Variants in CPT1A observed in about 807,000 individuals in gnomAD.
The protein encoded by CPT1A is carnitine O-palmitoyltransferase 1, liver isoform.
In CPT1A, 64 loss-of-function variants were observed where a neutral mutation model predicts 100.8. The observed-to-expected ratio is 0.63, with a 90% CI of 0.52 to 0.78. CPT1A has a LOEUF of 0.78. Among genes scored for constraint, CPT1A ranks in the 30% least tolerant of loss-of-function variants. The pLI is 0.00. For synonymous variants in CPT1A, 363 were observed against 396.0 expected (o/e 0.92, Z 0.99); for missense variants, 802 against 1,034.1 (o/e 0.78, Z 3.08).
At chr11:68,803,354 G>T (rs546767754) in intron 5 of CPT1A, among the ~76,000 whole-genome samples, 1 of 152,182 alleles carries the variant, frequency 6.6e-6, no homozygotes, top group Non-Finnish European at 1.5e-5. Flanking sequence ...TAGGTGGGGG[G>T]AGGGAAGAAT....
At chr11:68,829,065 T>C (rs1856816207) in intron 1 of CPT1A, among the ~76,000 whole-genome samples, 1 of 152,148 alleles carries the variant, frequency 6.6e-6, no homozygotes, top group Non-Finnish European at 1.5e-5. Flanking sequence ...TCTCACCACC[T>C]GTCCACGTGC....
chr11:68,774,763 C>T lies in CPT1A; in HGVS notation c.1575+553G>A, dbSNP rs1214333093. ...CGCCATTGCACTCCAGCCTGGGTGA[C>T]AGTGCGAGACTACATCTCAAAAAAA... On this transcript the variant is annotated intron_variant, in intron 13 of 18. Coordinates refer to ENST00000265641, the MANE Select transcript of CPT1A (RefSeq NM_001876.4). Among the ~76,000 whole-genome samples the T allele has an allele frequency of 3.1e-5, 4 of 129,034 alleles. No homozygotes were observed. The East Asian group carries it at 9.1e-4, about 29-fold the overall frequency. 84.7% of individuals were successfully genotyped at this position (129,034 alleles called of 152,430 possible). A position where few individuals can be genotyped will look rare whatever the true frequency, so the allele number is the denominator to read the frequency against.
chr11:68,827,091 T>C (rs1379738922), intron 1 of CPT1A, among the ~76,000 whole-genome samples: 1 of 152,054 alleles, frequency 6.6e-6, no homozygotes, highest in African/African-American at 2.4e-5. Flanking sequence ...ACAAAAACTT[T>C]GGGAGGCCAA....
intron 6 of CPT1A, among the ~76,000 whole-genome samples, chr11:68,797,824 A>C (rs1044905502): frequency 6.6e-6 from 1 of 152,126 alleles, no homozygotes; most frequent in African/African-American, 2.4e-5. Context: ...CTAAAAATGC[A>C]AAAATTAGCC....
At chr11:68,813,647 T>G (rs1172673055) in intron 2 of CPT1A, among the ~76,000 whole-genome samples, 1 of 146,790 alleles carries the variant, frequency 6.8e-6, no homozygotes, top group Non-Finnish European at 1.5e-5. Flanking sequence ...CAGTGAGCCG[T>G]GATCGCACCA....
intron 14 of CPT1A, among the ~76,000 whole-genome samples, chr11:68,766,989 T>A (rs879599256): frequency 1.2e-4 from 18 of 152,160 alleles, no homozygotes; most frequent in Non-Finnish European, 2.4e-4. Flanking sequence ...TGGCGACTAC[T>A]CCGCTCTCCC....
rs111907944 is a variant in CPT1A at position 68,791,579 on chromosome 11, C to T, written c.967+1736G>A. Among the ~76,000 whole-genome samples the T allele has an allele frequency of 5.8e-3, 880 of 152,210 alleles. 7 individuals are homozygous for T. Among genetic ancestry groups the T allele is most frequent in the African/African-American group, 0.02 (815 of 41,532 alleles). ...GAGATGAAGTTTCACTCTTGTTGCC[C>T]GGGCTGGAGTGCAGTGGCACAATCT... On this transcript the variant is annotated intron_variant, in intron 9 of 18. Coordinates refer to ENST00000265641, the MANE Select transcript of CPT1A (RefSeq NM_001876.4).
At chr11:68,796,320 G>A (rs1855754521) in intron 7 of CPT1A, among the ~76,000 whole-genome samples, 1 of 152,112 alleles carries the variant, frequency 6.6e-6, no homozygotes, top group South Asian at 2.1e-4. Flanking sequence ...ACTTAGGGAG[G>A]CTGAGGCAAG....
In CPT1A at chr11:68,828,491, A is replaced by G. The variant is rs1856796905; in HGVS notation, c.-13-13004T>C. Among the ~76,000 whole-genome samples, 4 of 152,152 alleles carry G rather than the reference A, an allele frequency of 2.6e-5. No individual in the cohort carries two copies. In the South Asian group the frequency reaches 8.3e-4, roughly 32 times the overall value. ...CACCTTTCATCGAGGGCAGGAGGCC[A>G]GGGCACCCATGTGTTACAACTCCCC... is the stretch of plus-strand genomic sequence containing the variant. On this transcript the variant is annotated intron_variant, in intron 1 of 18. Coordinates refer to ENST00000265641, the MANE Select transcript of CPT1A (RefSeq NM_001876.4).
At chr11:68,829,256 C>T (rs1303864147) in intron 1 of CPT1A, among the ~76,000 whole-genome samples, 1 of 152,182 alleles carries the variant, frequency 6.6e-6, no homozygotes, top group Non-Finnish European at 1.5e-5. Context: ...TTTCTCCAAG[C>T]CACCCCCATA....
chr11:68,794,210 C>A (rs1183891310), intron 8 of CPT1A, among the ~76,000 whole-genome samples: 1 of 152,126 alleles, frequency 6.6e-6, no homozygotes, highest in African/African-American at 2.4e-5. Flanking sequence ...TCCACTTACA[C>A]AAAGCTTTAA....
chr11:68,773,355 T>C lies in CPT1A; in HGVS notation c.1650A>G (p.Pro550=), dbSNP rs771639556. The C allele has an allele frequency of 1.8e-5, 29 of 1,613,982 alleles. No individual in the cohort carries two copies. Among genetic ancestry groups the C allele is most frequent in the Non-Finnish European group, 2.5e-5 (29 of 1,180,016 alleles). The part of the protein sequence containing the change: ...LANDVDFHSF[P]FVAFGKGIIK... ...TGATTCCTTTACCAAAGGCTACGAATGGGAAGGAATGGAAATCCACGTCGT... is the reference window on the plus strand; with the variant it reads ...TGATTCCTTTACCAAAGGCTACGAACGGGAAGGAATGGAAATCCACGTCGT... Residue 550 remains proline (P), a synonymous_variant, in exon 14 of 19, where the codon CCA becomes CCG. Coordinates refer to ENST00000265641, the MANE Select transcript of CPT1A (RefSeq NM_001876.4).
intron 7 of CPT1A, among the ~76,000 whole-genome samples, chr11:68,796,439 C>G (rs1228429725): frequency 2.0e-5 from 3 of 152,122 alleles, no homozygotes; most frequent in Non-Finnish European, 4.4e-5. Flanking sequence ...ACCTGTAATC[C>G]CAGCTACTTT....
chr11:68,802,700 C>T (rs1347893246), intron 5 of CPT1A, among the ~76,000 whole-genome samples: 7 of 151,624 alleles, frequency 4.6e-5, no homozygotes, highest in East Asian at 3.9e-4. Flanking sequence ...CGCCACTGCA[C>T]TCCAGCCTGG....
chr11:68,760,969 C>A (rs1388439721), intron 16 of CPT1A, among the ~76,000 whole-genome samples: 3 of 151,762 alleles, frequency 2.0e-5, no homozygotes, highest in Non-Finnish European at 1.5e-5. Context: ...TTCAGTGAGC[C>A]AAGATGGCGC....
intron 9 of CPT1A, 79 bp from the exon 10 acceptor site, chr11:68,785,089 T>C: frequency 7.9e-7 from 1 of 1,269,910 alleles, no homozygotes; most frequent in Non-Finnish European, 1.1e-6. Context: ...ACCCTGACTC[T>C]GCAAAGGGCA....
At chr11:68,794,722 A>G (rs1246538159) in intron 8 of CPT1A, 82 bp downstream of exon 8, 5 of 1,239,912 alleles carry the variant, frequency 4.0e-6, no homozygotes, top group Non-Finnish European at 5.9e-6. Context: ...CAAACTGTAT[A>G]TTTTAAACAT....
At chr11:68,820,547 G>T (rs3019611) in intron 1 of CPT1A, among the ~76,000 whole-genome samples, 133,693 of 151,830 alleles carry the variant, frequency 0.88, 60,340 homozygotes, top group Non-Finnish European at 0.98. Context: ...GCTGGGCATG[G>T]TGGTGCATGC....
intron 1 of CPT1A, among the ~76,000 whole-genome samples, chr11:68,830,227 C>G (rs548912869): frequency 2.0e-5 from 3 of 152,038 alleles, no homozygotes; most frequent in South Asian, 2.1e-4. Flanking sequence ...GCAGCAAGCC[C>G]GGACTGTGCC....
Sources: allele counts gnomAD v4.1 joint callset (sites outside exome capture counted in the v4.1 genomes callset), GRCh38; gene constraint gnomAD v4.1.1; transcripts MANE v1.5; gene names NCBI Gene and HGNC (gene_info 2026-07-23, HGNC 2026-07-21).